The following SYNPR variants were observed in gnomAD, a reference collection of about 807,000 sequenced individuals.
SYNPR encodes the protein synaptoporin.
SYNPR carries 23 observed loss-of-function variants against 32.9 expected under a neutral mutation model. That is an observed-to-expected ratio of 0.70 (90% CI 0.50 to 0.99). The LOEUF (loss-of-function observed/expected upper bound fraction) is 0.99. Ranked by LOEUF, SYNPR falls within the 50% of genes least tolerant of loss-of-function variation. SYNPR has a pLI of 0.00. For missense variants in SYNPR, 318 were observed against 349.3 expected (o/e 0.91, Z 0.71); for synonymous variants, 146 against 135.9 (o/e 1.07, Z -0.52).
chr3:63,373,062 G>GA (rs1416250874), intron 2 of SYNPR, among the ~76,000 whole-genome samples: 6 of 152,028 alleles, frequency 3.9e-5, no homozygotes, highest in African/African-American at 1.4e-4. Flanking sequence ...AAAACATCCA[G>GA]AAAAGAAGTC....
At chr3:63,576,519 C>A (rs963546489) in intron 4 of SYNPR, among the ~76,000 whole-genome samples, 1 of 152,014 alleles carries the variant, frequency 6.6e-6, no homozygotes, top group South Asian at 2.1e-4. Flanking sequence ...GGGCTGGGCG[C>A]GGTGACTCAC....
intron 3 of SYNPR, among the ~76,000 whole-genome samples, chr3:63,501,656 C>T (rs997784401): frequency 1.3e-5 from 2 of 152,084 alleles, no homozygotes; most frequent in African/African-American, 4.8e-5. Context: ...ATCTCCGTGT[C>T]TACTATTGTA....
chr3:63,205,341 T>G, the SYNPR span, among the ~76,000 whole-genome samples: 1 of 152,216 alleles, frequency 6.6e-6, no homozygotes, highest in Non-Finnish European at 1.5e-5. Context: ...TTTCAGAACT[T>G]TTCCAAGCAG....
chr3:63,381,597 T>G (rs887732259), intron 2 of SYNPR, among the ~76,000 whole-genome samples: 3 of 152,248 alleles, frequency 2.0e-5, no homozygotes, highest in Admixed American at 1.3e-4. Flanking sequence ...TTTTTATAGC[T>G]GAAGTGAATT....
chr3:63,429,640 T>G (rs1404612384), intron 2 of SYNPR, among the ~76,000 whole-genome samples: 3 of 152,276 alleles, frequency 2.0e-5, no homozygotes, highest in African/African-American at 7.2e-5. Context: ...GACATCCTTG[T>G]GTTTTAAAAT....
intron 3 of SYNPR, among the ~76,000 whole-genome samples, chr3:63,494,420 T>TACAC (rs1559516270): frequency 8.3e-5 from 4 of 48,030 alleles, no homozygotes; most frequent in African/African-American, 2.3e-4. Context: ...TATATATACG[T>TACAC]ATATATATAT....
intron 2 of SYNPR, among the ~76,000 whole-genome samples, chr3:63,370,364 A>G (rs565197765): frequency 6.6e-6 from 1 of 152,226 alleles, no homozygotes; most frequent in Non-Finnish European, 1.5e-5. Context: ...CTCTGCTCCC[A>G]TCTGGGATTT....
chr3:63,594,697 C>G (rs952611632), intron 4 of SYNPR, among the ~76,000 whole-genome samples: 3 of 152,114 alleles, frequency 2.0e-5, no homozygotes, highest in Non-Finnish European at 4.4e-5. Flanking sequence ...TAAGTGTTCT[C>G]TAAGTGTTGG....
chr3:63,364,028 G>A (rs1364606605), intron 2 of SYNPR, among the ~76,000 whole-genome samples: 1 of 152,150 alleles, frequency 6.6e-6, no homozygotes, highest in African/African-American at 2.4e-5. Flanking sequence ...AGAAGGGTGA[G>A]AAAATATTAA....
chr3:63,278,879 C>T (rs979965973), intron 2 of SYNPR, 137 bp downstream of exon 2: 5 of 1,046,968 alleles, frequency 4.8e-6, no homozygotes, highest in African/African-American at 1.6e-5. Context: ...TCAATCCTGC[C>T]CCCTCCTAAG....
chr3:63,514,155 C>T (rs765260458), intron 3 of SYNPR, among the ~76,000 whole-genome samples: 8 of 152,162 alleles, frequency 5.3e-5, no homozygotes, highest in Admixed American at 2.6e-4. Context: ...AATCAAAGCA[C>T]ACAAATGTGT....
intron 4 of SYNPR, among the ~76,000 whole-genome samples, chr3:63,606,192 G>A (rs1353634542): frequency 6.6e-6 from 1 of 152,088 alleles, no homozygotes; most frequent in Non-Finnish European, 1.5e-5. Context: ...ACCCAGGTCT[G>A]CCTAATGACA....
chr3:63,340,018 T>C lies in SYNPR; in HGVS notation c.84+61276T>C, dbSNP rs113992382. On this transcript the variant is annotated intron_variant, in intron 2 of 5. Transcript: ENST00000478300. ...CTTGTCCTTAACTCCTGTAAACCAG[T>C]AATCACTCCTCCTTTTCTATGATTT... 3.9e-3 allele frequency among the ~76,000 whole-genome samples: 591 copies of C among 152,330 alleles called. 5 individuals are homozygous for C. Among genetic ancestry groups the C allele is most frequent in the African/African-American group, 0.013 (560 of 41,584 alleles).
chr3:63,220,931 A>T, the SYNPR span, among the ~76,000 whole-genome samples: 7 of 152,298 alleles, frequency 4.6e-5, no homozygotes, highest in Non-Finnish European at 8.8e-5. Context: ...ACAGTTTTAT[A>T]ACCAATATGC....
chr3:63,381,137 T>C (rs187333931), intron 2 of SYNPR, among the ~76,000 whole-genome samples: 15 of 152,306 alleles, frequency 9.8e-5, no homozygotes, highest in Admixed American at 9.2e-4. Flanking sequence ...ATGATAAGAT[T>C]GTATATTTAG....
chr3:63,475,716 AC>A (rs777578025), intron 2 of SYNPR, among the ~76,000 whole-genome samples: 53 of 151,068 alleles, frequency 3.5e-4, no homozygotes, highest in Non-Finnish European at 6.1e-4. Context: ...TTCTACACCA[AC>A]CCCCTCACAC....
upstream of SYNPR, among the ~76,000 whole-genome samples, chr3:63,227,333 A>T (rs372186377): frequency 3.9e-4 from 59 of 152,310 alleles, 2 homozygotes; most frequent in African/African-American, 1.4e-3. Flanking sequence ...GGGAAAATAG[A>T]TCTTTCTGTT....
intron 3 of SYNPR, among the ~76,000 whole-genome samples, chr3:63,500,105 G>T (rs371876004): frequency 6.6e-6 from 1 of 152,162 alleles, no homozygotes; most frequent in African/African-American, 2.4e-5. Flanking sequence ...TAAGACAAGG[G>T]TTTCCCAGTT....
chr3:63,498,194 G>A (rs1340019075), intron 3 of SYNPR, among the ~76,000 whole-genome samples: 2 of 152,132 alleles, frequency 1.3e-5, no homozygotes, highest in Non-Finnish European at 2.9e-5. Flanking sequence ...CGATCTAAGG[G>A]CACCACCATC....
Sources: allele counts gnomAD v4.1 joint callset (sites outside exome capture counted in the v4.1 genomes callset), GRCh38; gene constraint gnomAD v4.1.1; transcripts MANE v1.5; gene names NCBI Gene and HGNC (gene_info 2026-07-23, HGNC 2026-07-21).